Variants in KANTR observed in about 807,000 individuals in gnomAD.
KANTR encodes KANTR integral membrane protein.
chrX:53,111,181 G>GT (rs199626790), intron 2 of KANTR, among the ~76,000 whole-genome samples: 1 of 106,192 alleles, frequency 9.4e-6, no homozygotes, highest in Non-Finnish European at 1.9e-5. Context: ...ACCCGGCTAA[G>GT]TTTAAAATTT....
intron 2 of KANTR, among the ~76,000 whole-genome samples, chrX:53,119,361 T>C (rs782070525): frequency 1.8e-5 from 2 of 112,474 alleles, no homozygotes; most frequent in East Asian, 5.5e-4. Context: ...AACCTATAGT[T>C]ATAAACATTT....
intron 2 of KANTR, among the ~76,000 whole-genome samples, chrX:53,121,464 T>G (rs55769482): frequency 1.8e-5 from 2 of 111,972 alleles, no homozygotes; most frequent in African/African-American, 3.2e-5. Flanking sequence ...AACATCAGAC[T>G]TTACATGGCT....
At chrX:53,136,769 G>GT (rs1298156989) in intron 2 of KANTR, among the ~76,000 whole-genome samples, 1 of 71,758 alleles carries the variant, frequency 1.4e-5, no homozygotes, top group Non-Finnish European at 2.7e-5. Context: ...TTGAGATGGA[G>GT]TTTTGCTCTT....
intron 2 of KANTR, among the ~76,000 whole-genome samples, chrX:53,138,528 G>C (rs1556817983): frequency 9.3e-6 from 1 of 107,976 alleles, no homozygotes; most frequent in Non-Finnish European, 1.9e-5. Context: ...TGGGCGTGGT[G>C]GCACATGCCT....
intron 2 of KANTR, among the ~76,000 whole-genome samples, chrX:53,103,825 C>G (rs1218968855): frequency 1.8e-5 from 2 of 111,561 alleles, no homozygotes; most frequent in Non-Finnish European, 3.8e-5. Flanking sequence ...GCCTTCTTCT[C>G]TGTACTACAT....
intron 2 of KANTR, among the ~76,000 whole-genome samples, chrX:53,139,160 G>A (rs1933465807): frequency 9.3e-6 from 1 of 107,808 alleles, no homozygotes; most frequent in Non-Finnish European, 1.9e-5. Context: ...GGCAGAGGTT[G>A]CAGTGAGCCA....
intron 1 of KANTR, among the ~76,000 whole-genome samples, chrX:53,097,775 G>C (rs1932856891): frequency 9.3e-6 from 1 of 107,739 alleles, no homozygotes; most frequent in South Asian, 4.2e-4. Context: ...TACAGACTGG[G>C]CGCAGTGGCT....
At chrX:53,110,737 A>G (rs1260345504) in intron 2 of KANTR, among the ~76,000 whole-genome samples, 2 of 111,066 alleles carry the variant, frequency 1.8e-5, no homozygotes, top group Non-Finnish European at 3.8e-5. Context: ...AGCCTGACCA[A>G]CATGGTGAAA....
At chrX:53,145,744 C>T (rs1390687794), downstream of KANTR, among the ~76,000 whole-genome samples, 1 of 112,215 alleles carries the variant, frequency 8.9e-6, no homozygotes, top group Non-Finnish European at 1.9e-5. Context: ...CTGGGAGGCA[C>T]CCCCCAGTAG....
rs139264757 is a variant in KANTR at position 53,107,302 on chromosome X, C to CTTTTTTTTT, written c.-805+7707_-805+7715dup. On this transcript the variant is annotated intron_variant, in intron 2 of 2. Transcript: ENST00000604062. ...TCCTGGGCTCAAGTGATCCTCTTTGCTTTTTTTTTTTTTTTTTTTTTGTAG... is the reference window on the plus strand; with the variant it reads ...TCCTGGGCTCAAGTGATCCTCTTTGCTTTTTTTTTTTTTTTTTTTTTTTTTTTTTTGTAG... Among the ~76,000 whole-genome samples, 136 of 61,619 alleles carry CTTTTTTTTT rather than the reference C, an allele frequency of 2.2e-3. 2 individuals are homozygous for CTTTTTTTTT. Among genetic ancestry groups the CTTTTTTTTT allele is most frequent in the Non-Finnish European group, 2.8e-3 (104 of 37,547 alleles). The allele number at this position is 61,619 out of a possible 115,157, so 53.5% of individuals were successfully genotyped here.
chrX:53,097,353 T>G (rs1465488248), intron 1 of KANTR, among the ~76,000 whole-genome samples: 11 of 82,870 alleles, frequency 1.3e-4, no homozygotes, highest in Non-Finnish European at 2.2e-4. Flanking sequence ...GTTTTAAGTT[T>G]TTTTTTTTTT....
intron 2 of KANTR, among the ~76,000 whole-genome samples, chrX:53,102,778 A>G (rs1313643854): frequency 9.0e-6 from 1 of 111,270 alleles, no homozygotes; most frequent in African/African-American, 3.3e-5. Context: ...GCCCATCATT[A>G]CCATTTCTAA....
At chrX:53,121,754 G>T in intron 2 of KANTR, among the ~76,000 whole-genome samples, 1 of 111,272 alleles carries the variant, frequency 9.0e-6, no homozygotes, top group Non-Finnish European at 1.9e-5. Context: ...ATTTAGAGTG[G>T]AGTTGTTTTT....
chrX:53,099,245 C>T (rs1556811432), intron 1 of KANTR, among the ~76,000 whole-genome samples: 1 of 111,038 alleles, frequency 9.0e-6, no homozygotes, highest in Non-Finnish European at 1.9e-5. Flanking sequence ...TGGTGGCGGA[C>T]ACCTGTAGTC....
At chrX:53,135,852 C>T (rs1182740751) in intron 2 of KANTR, among the ~76,000 whole-genome samples, 1 of 111,897 alleles carries the variant, frequency 8.9e-6, no homozygotes, top group Non-Finnish European at 1.9e-5. Flanking sequence ...CACACAGCAC[C>T]TGTTGCCATC....
intron 2 of KANTR, among the ~76,000 whole-genome samples, chrX:53,103,347 A>G (rs1459169545): frequency 9.0e-6 from 1 of 110,918 alleles, no homozygotes; most frequent in Non-Finnish European, 1.9e-5. Context: ...CCTGTTCTCT[A>G]GCCAGTACCT....
chrX:53,106,149 G>A lies in KANTR; in HGVS notation c.-805+6541G>A, dbSNP rs186419566. ...TGGGATTACAGGCGTGAGCCACCGC[G>A]CCTGGCCAGATAATATGAATTATAA... On this transcript the variant is annotated intron_variant, in intron 2 of 2. Coordinates refer to ENST00000604062, the Ensembl canonical transcript of KANTR. 7.6e-3 allele frequency among the ~76,000 whole-genome samples: 831 copies of A among 109,325 alleles called. 10 individuals carry two copies. Among genetic ancestry groups the A allele is most frequent in the Middle Eastern group, 0.066 (14 of 212 alleles). 94.9% of individuals were successfully genotyped at this position (109,325 alleles called of 115,157 possible). A position where few individuals can be genotyped will look rare whatever the true frequency, so the allele number is the denominator to read the frequency against.
chrX:53,096,698 C>T (rs1208559948), intron 1 of KANTR, among the ~76,000 whole-genome samples: 4 of 109,127 alleles, frequency 3.7e-5, no homozygotes, highest in East Asian at 2.8e-4. Context: ...TTGTGGTGCA[C>T]GCCTGTGGTC....
intron 2 of KANTR, among the ~76,000 whole-genome samples, chrX:53,118,647 G>T (rs1167589574): frequency 9.1e-6 from 1 of 110,284 alleles, no homozygotes; most frequent in Non-Finnish European, 1.9e-5. Context: ...TGTGGCCCCA[G>T]CTACTTGGGA....
Sources: gnomAD v4.1 joint callset for allele counts (sites outside exome capture counted in the v4.1 genomes callset) on GRCh38, gnomAD v4.1.1 for gene constraint, MANE v1.5 for transcripts, NCBI Gene and HGNC (gene_info 2026-07-23, HGNC 2026-07-21) for gene names.